The following PRR16 variants were observed in gnomAD, a reference collection of about 807,000 sequenced individuals.
PRR16 encodes proline rich 16.
Under a neutral mutation model 18.2 loss-of-function variants are expected in PRR16, and 6 were observed. That is an observed-to-expected ratio of 0.33 (90% CI 0.18 to 0.65). PRR16 has a LOEUF of 0.65. Among genes scored for constraint, PRR16 ranks in the 30% least tolerant of loss-of-function variants. The pLI, the probability that PRR16 is intolerant of heterozygous loss-of-function variation, is 0.74. For missense variants in PRR16, 412 were observed against 376.6 expected (o/e 1.09, Z -0.78); for synonymous variants, 151 against 147.8 (o/e 1.02, Z -0.16).
chr5:120,596,902 A>G (rs1753831702), intron 1 of PRR16, among the ~76,000 whole-genome samples: 1 of 151,764 alleles, frequency 6.6e-6, no homozygotes, highest in African/African-American at 2.4e-5. Context: ...ACTTCTGGTT[A>G]TAGTTTATGC....
At chr5:120,768,460 T>C in the PRR16 span, among the ~76,000 whole-genome samples, 4 of 151,752 alleles carry the variant, frequency 2.6e-5, no homozygotes, top group African/African-American at 7.2e-5. Context: ...TAAAAAAATA[T>C]ATATATAGAA....
intron 1 of PRR16, among the ~76,000 whole-genome samples, chr5:120,557,199 A>T (rs1752441611): frequency 1.3e-5 from 2 of 151,906 alleles, no homozygotes; most frequent in African/African-American, 4.8e-5. Flanking sequence ...CAGAACCAAG[A>T]AATATCTGTC....
intron 1 of PRR16, among the ~76,000 whole-genome samples, chr5:120,662,092 TC>T: frequency 6.6e-6 from 1 of 152,128 alleles, no homozygotes. Context: ...CACTGCTACA[TC>T]CTGACATGGA....
chr5:120,778,547 A>C, the PRR16 span, among the ~76,000 whole-genome samples: 1 of 152,198 alleles, frequency 6.6e-6, no homozygotes, highest in African/African-American at 2.4e-5. Flanking sequence ...TTGAATAGAC[A>C]ACTAGATGTT....
chr5:120,663,266 G>A (rs148821944), intron 1 of PRR16, among the ~76,000 whole-genome samples: 1 of 151,800 alleles, frequency 6.6e-6, no homozygotes, highest in Non-Finnish European at 1.5e-5. Flanking sequence ...TGCCTTCTTA[G>A]TTTTTTTGGT....
chr5:120,777,305 T>G, the PRR16 span, among the ~76,000 whole-genome samples: 2 of 152,100 alleles, frequency 1.3e-5, no homozygotes, highest in African/African-American at 4.8e-5. Flanking sequence ...CATTTATCAA[T>G]AAGAGGTTAA....
At chr5:120,680,776 G>A (rs1756945682) in intron 1 of PRR16, among the ~76,000 whole-genome samples, 2 of 152,154 alleles carry the variant, frequency 1.3e-5, no homozygotes, top group South Asian at 4.1e-4. Flanking sequence ...AAGTTTGCAT[G>A]ACCTCAATTA....
At chr5:120,556,398 T>C (rs1332266564) in intron 1 of PRR16, among the ~76,000 whole-genome samples, 1 of 151,846 alleles carries the variant, frequency 6.6e-6, no homozygotes, top group Non-Finnish European at 1.5e-5. Context: ...TGTCGACTTT[T>C]ACGTTGATAA....
chr5:120,657,976 T>C (rs913028922), intron 1 of PRR16: 6 of 151,980 alleles, frequency 3.9e-5, no homozygotes, highest in African/African-American at 1.4e-4. Flanking sequence ...ATACCAACCA[T>C]TGTTTCTTTG....
the PRR16 span, among the ~76,000 whole-genome samples, chr5:120,770,950 T>TCTCTCACACA: frequency 3.9e-4 from 58 of 148,968 alleles, 1 homozygote; most frequent in South Asian, 0.012. Context: ...TCTCTCTCTC[T>TCTCTCACACA]CACACACACA....
chr5:120,727,690 G>A, the PRR16 span, among the ~76,000 whole-genome samples: 8,718 of 152,118 alleles, frequency 0.057, 317 homozygotes, highest in South Asian at 0.083. Flanking sequence ...CCTGTGTAAT[G>A]TATACAATTA....
the PRR16 span, among the ~76,000 whole-genome samples, chr5:120,699,396 G>A: frequency 6.6e-6 from 1 of 152,052 alleles, no homozygotes; most frequent in Non-Finnish European, 1.5e-5. Context: ...GGGGAAATGG[G>A]GTGAATGTCA....
chr5:120,642,352 T>TAATTAGATGTAAAGTTTA lies in PRR16; in HGVS notation c.160-43600_160-43583dup, dbSNP rs1376590734. Among the ~76,000 whole-genome samples the TAATTAGATGTAAAGTTTA allele has an allele frequency of 4.6e-5, 7 of 152,110 alleles. No individual in the cohort carries two copies. The East Asian group carries it at 1.2e-3, about 25-fold the overall frequency. ...ATATTTTATTCCAATTACATGGAAT[T>TAATTAGATGTAAAGTTTA]AATTAGATGTAAAGTTTAATCTGTG... On this transcript the variant is annotated intron_variant, in intron 1 of 1. Transcript: ENST00000407149.
chr5:120,656,192 T>A (rs975128777), intron 1 of PRR16, among the ~76,000 whole-genome samples: 34 of 151,896 alleles, frequency 2.2e-4, no homozygotes, highest in African/African-American at 7.2e-4. Context: ...AGGATTTTAC[T>A]GCGCTTTAAT....
chr5:120,791,299 A>G, the PRR16 span, among the ~76,000 whole-genome samples: 2 of 152,036 alleles, frequency 1.3e-5, no homozygotes, highest in Admixed American at 6.6e-5. Context: ...GTAGTATAAA[A>G]TTGTGCTTTC....
chr5:120,742,453 T>A, the PRR16 span, among the ~76,000 whole-genome samples: 1 of 151,792 alleles, frequency 6.6e-6, no homozygotes, highest in East Asian at 1.9e-4. Flanking sequence ...ATGTATTTTT[T>A]AATATTAGCT....
chr5:120,737,579 C>G, the PRR16 span, among the ~76,000 whole-genome samples: 1 of 151,192 alleles, frequency 6.6e-6, no homozygotes, highest in African/African-American at 2.4e-5. Flanking sequence ...CCTGACTTTT[C>G]AGAATAATGC....
chr5:120,598,529 G>A (rs1331818934), intron 1 of PRR16, among the ~76,000 whole-genome samples: 1 of 151,728 alleles, frequency 6.6e-6, no homozygotes, highest in Non-Finnish European at 1.5e-5. Context: ...CTGTCAACTG[G>A]CTAGTGTGCA....
In PRR16 at chr5:120,526,788, G is replaced by A. The variant is rs1056706325; in HGVS notation, c.159+62143G>A. Among the ~76,000 whole-genome samples the A allele has an allele frequency of 9.2e-5, 14 of 152,082 alleles. No homozygotes were observed. The East Asian group carries it at 1.3e-3, about 15-fold the overall frequency. On this transcript the variant is annotated intron_variant, in intron 1 of 1. Coordinates refer to ENST00000407149, the MANE Select transcript of PRR16 (RefSeq NM_001300783.2). ...CCCAGCATTCTGAGACTGTATCTAC[G>A]GGATTTCACCATGTTGGCCAGGATG...
Sources: allele counts gnomAD v4.1 joint callset (sites outside exome capture counted in the v4.1 genomes callset), GRCh38; gene constraint gnomAD v4.1.1; transcripts MANE v1.5; gene names NCBI Gene and HGNC (gene_info 2026-07-23, HGNC 2026-07-21).